The following ACACA variants were observed in gnomAD, a reference collection of about 807,000 sequenced individuals.
The protein encoded by ACACA is acetyl-CoA carboxylase alpha, also known as acetyl-CoA carboxylase 1.
A neutral mutation model predicts 296.1 loss-of-function variants in ACACA; 103 were observed. That is an observed-to-expected ratio of 0.35 (90% CI 0.30 to 0.41). ACACA has a LOEUF of 0.41. Ranked by LOEUF, ACACA falls within the 10% of genes least tolerant of loss-of-function variation. The pLI, the probability that ACACA is intolerant of heterozygous loss-of-function variation, is 1.00. For missense variants in ACACA, 1,554 were observed against 2,989.7 expected, an observed-to-expected ratio of 0.52 and a Z score of 11.20; for synonymous variants, 953 against 1,038.6, an observed-to-expected ratio of 0.92 and a Z score of 1.58.
In ACACA at chr17:37,299,415, C is replaced by T. The variant is rs2083511472; in HGVS notation, c.339-14445G>A. 10 of 1,608,520 alleles carry T rather than the reference C, an allele frequency of 6.2e-6. No individual in the cohort carries two copies. The South Asian group carries it at 1.1e-4, about 18-fold the overall frequency. ...GCCGCAGTTCCTCCTCCTGTTGCAG[C>T]TGCTTAAAACCCAGGAGGACAAGAG... On this transcript the variant is annotated intron_variant, in intron 3 of 55. Coordinates refer to ENST00000616317, the MANE Select transcript of ACACA (RefSeq NM_198834.3).
intron 1 of ACACA, among the ~76,000 whole-genome samples, chr17:37,390,142 A>ATG: frequency 1.4e-4 from 1 of 7,216 alleles, no homozygotes; most frequent in Admixed American, 3.1e-3. Context: ...AAAAAAAAGT[A>ATG]TATATATATA....
intron 23 of ACACA, among the ~76,000 whole-genome samples, chr17:37,241,709 A>C (rs939313106): frequency 6.6e-6 from 1 of 152,182 alleles, no homozygotes. Context: ...CCTGTCTCAA[A>C]AAATAATAAT....
At chr17:37,296,242 C>T (rs1243145613) in intron 3 of ACACA, among the ~76,000 whole-genome samples, 4 of 150,828 alleles carry the variant, frequency 2.7e-5, no homozygotes, top group Admixed American at 6.6e-5. Flanking sequence ...GTCCTACTCG[C>T]TTGCATGATT....
chr17:37,252,800 C>A, intron 15 of ACACA, 86 bp downstream of exon 15: 2 of 1,555,854 alleles, frequency 1.3e-6, no homozygotes, highest in Non-Finnish European at 8.8e-7. Flanking sequence ...ACATTAGAAT[C>A]AAATAAATTT....
intron 5 of ACACA, among the ~76,000 whole-genome samples, chr17:37,279,500 G>A (rs2082412245): frequency 1.3e-5 from 2 of 152,182 alleles, no homozygotes; most frequent in South Asian, 2.1e-4. Flanking sequence ...CGGGGATGGT[G>A]GCACAAGCCT....
intron 52 of ACACA, among the ~76,000 whole-genome samples, chr17:37,100,414 ATGACT>A (rs1567658605): frequency 1.3e-5 from 2 of 152,188 alleles, no homozygotes. Context: ...AGGACAGAAC[ATGACT>A]TCCGCAACAT....
intron 1 of ACACA, chr17:37,391,574 C>T (rs1414264465): frequency 2.9e-6 from 4 of 1,372,024 alleles, no homozygotes; most frequent in Non-Finnish European, 4.2e-6. Context: ...ACTTAGCCAG[C>T]CCTTTTCTTG....
intron 45 of ACACA, among the ~76,000 whole-genome samples, chr17:37,141,914 C>T (rs1015599919): frequency 3.3e-5 from 5 of 151,882 alleles, no homozygotes; most frequent in African/African-American, 9.7e-5. Flanking sequence ...TGGTCTCAAA[C>T]CACTGACCTC....
At chr17:37,182,551 A>G (rs1015881168) in intron 39 of ACACA, among the ~76,000 whole-genome samples, 4 of 152,208 alleles carry the variant, frequency 2.6e-5, no homozygotes, top group Non-Finnish European at 5.9e-5. Flanking sequence ...TTTATAAAGG[A>G]TGCCATTATT....
At position 37,226,949 on chromosome 17, in the gene ACACA, A is replaced by T. The variant is rs118045714; in HGVS notation, c.3247-497T>A. 1.3e-3 allele frequency among the ~76,000 whole-genome samples: 190 copies of T among 151,936 alleles called. 3 individuals are homozygous for T. In the East Asian group the frequency reaches 0.033, roughly 27 times the overall value. On this transcript the variant is annotated intron_variant, in intron 25 of 55. Coordinates refer to ENST00000616317, the MANE Select transcript of ACACA (RefSeq NM_198834.3). ...GGAGGATGCAAAACAGAAACACAAG[A>T]ATAAATTATTTATTTATAAACACAC...
chr17:37,332,607 C>CAAAA (rs35940399), intron 2 of ACACA, among the ~76,000 whole-genome samples: 1 of 63,848 alleles, frequency 1.6e-5, no homozygotes, highest in Non-Finnish European at 3.3e-5. Context: ...CCCATCTGTA[C>CAAAA]AAAAAAAAAA....
chr17:37,209,864 T>G (rs1463768588), intron 30 of ACACA, among the ~76,000 whole-genome samples: 1 of 152,172 alleles, frequency 6.6e-6, no homozygotes, highest in East Asian at 1.9e-4. Flanking sequence ...ATCACTTATG[T>G]TATATTAGCC....
intron 1 of ACACA, among the ~76,000 whole-genome samples, chr17:37,347,386 C>T (rs963109250): frequency 1.3e-5 from 2 of 152,120 alleles, no homozygotes; most frequent in Non-Finnish European, 2.9e-5. Context: ...CAGACTAATA[C>T]AAGGGCTCAA....
At chr17:37,168,851 T>G (rs2076781482) in intron 41 of ACACA, among the ~76,000 whole-genome samples, 1 of 152,204 alleles carries the variant, frequency 6.6e-6, no homozygotes, top group African/African-American at 2.4e-5. Flanking sequence ...GTTTTTCTGG[T>G]CTGATGGTTA....
At chr17:37,155,089 G>A (rs1046512802) in intron 43 of ACACA, among the ~76,000 whole-genome samples, 2 of 152,144 alleles carry the variant, frequency 1.3e-5, no homozygotes, top group East Asian at 3.9e-4. Context: ...ACCAAAAAGG[G>A]ATGATCAGAG....
intron 47 of ACACA, among the ~76,000 whole-genome samples, chr17:37,128,541 T>A (rs1339680087): frequency 6.6e-6 from 1 of 152,210 alleles, no homozygotes; most frequent in Non-Finnish European, 1.5e-5. Context: ...AAAGAACAAA[T>A]GCTTCCTCAC....
intron 1 of ACACA, among the ~76,000 whole-genome samples, chr17:37,373,858 T>C (rs1200383506): frequency 6.6e-6 from 1 of 152,128 alleles, no homozygotes. Context: ...AAGGAAATAG[T>C]AAGCAAAAAT....
At chr17:37,402,194 T>C (rs1167091912) in intron 1 of ACACA, among the ~76,000 whole-genome samples, 1 of 152,186 alleles carries the variant, frequency 6.6e-6, no homozygotes, top group Non-Finnish European at 1.5e-5. Context: ...ACAAGGCACT[T>C]AGTCATCTTT....
At chr17:37,228,869 C>T (rs1442010559) in intron 25 of ACACA, among the ~76,000 whole-genome samples, 1 of 152,074 alleles carries the variant, frequency 6.6e-6, no homozygotes, top group Non-Finnish European at 1.5e-5. Flanking sequence ...TAGGGCCAGG[C>T]GCGGTGGCTC....
Sources: gnomAD v4.1 joint callset for allele counts (sites outside exome capture counted in the v4.1 genomes callset) on GRCh38, gnomAD v4.1.1 for gene constraint, MANE v1.5 for transcripts, NCBI Gene and HGNC (gene_info 2026-07-23, HGNC 2026-07-21) for gene names.